Variants in CUX1 observed in about 807,000 individuals in gnomAD.
The protein encoded by CUX1 is protein CASP.
In CUX1, 31 loss-of-function variants were observed where a neutral mutation model predicts 158.8. That is an observed-to-expected ratio of 0.20 (90% CI 0.15 to 0.26). The LOEUF (loss-of-function observed/expected upper bound fraction) is 0.26. CUX1 is among the 10% of genes least tolerant of loss of function. The pLI is 1.00. For missense variants in CUX1, 1,589 were observed against 2,014.6 expected (o/e 0.79, Z 4.04); for synonymous variants, 879 against 862.1 (o/e 1.02, Z -0.34).
At chr7:102,193,633 CG>C (rs1794499458) in intron 12 of CUX1, among the ~76,000 whole-genome samples, 1 of 152,016 alleles carries the variant, frequency 6.6e-6, no homozygotes, top group African/African-American at 2.4e-5. Context: ...GGTGAAACCC[CG>C]TCTCTACTAG....
chr7:101,878,679 G>T (rs1008602306), intron 1 of CUX1, among the ~76,000 whole-genome samples: 9 of 146,206 alleles, frequency 6.2e-5, no homozygotes, highest in South Asian at 4.4e-4. Flanking sequence ...ATCTTTTTTT[G>T]TTTTTTTTTT....
intron 23 of CUX1, among the ~76,000 whole-genome samples, chr7:102,242,727 A>G (rs534481531): frequency 1.6e-4 from 25 of 152,214 alleles, no homozygotes; most frequent in African/African-American, 5.5e-4. Flanking sequence ...AAGTCCCCCA[A>G]CAGGCCTCAG....
At chr7:102,237,024 C>T (rs1799646242) in intron 22 of CUX1, among the ~76,000 whole-genome samples, 1 of 152,170 alleles carries the variant, frequency 6.6e-6, no homozygotes, top group Non-Finnish European at 1.5e-5. Flanking sequence ...TTCTCCAGCC[C>T]CCTGCCAGCC....
intron 21 of CUX1, among the ~76,000 whole-genome samples, chr7:102,230,366 T>A (rs374586857): frequency 8.6e-5 from 13 of 151,558 alleles, no homozygotes; most frequent in African/African-American, 2.9e-4. Context: ...CCCGCTGTAA[T>A]CCCTGCTGCT....
chr7:101,925,261 A>G (rs13241958), intron 2 of CUX1, among the ~76,000 whole-genome samples: 52,064 of 152,016 alleles, frequency 0.34, 10,236 homozygotes, highest in Middle Eastern at 0.48. Context: ...GGCATGTGCC[A>G]CTGTGCCCAG....
chr7:101,947,327 G>A (rs929340946), intron 2 of CUX1, among the ~76,000 whole-genome samples: 19 of 152,300 alleles, frequency 1.2e-4, no homozygotes, highest in African/African-American at 3.8e-4. Flanking sequence ...CCAGGAGCTC[G>A]AGGCTGCAGT....
intron 7 of CUX1, among the ~76,000 whole-genome samples, chr7:102,112,391 A>G (rs1831010988): frequency 7.3e-6 from 1 of 136,234 alleles, no homozygotes; most frequent in Non-Finnish European, 1.6e-5. Flanking sequence ...ACAGGCGCCC[A>G]CCACCATGCC....
chr7:101,897,684 G>A (rs576240857), intron 1 of CUX1, among the ~76,000 whole-genome samples: 26 of 152,236 alleles, frequency 1.7e-4, no homozygotes, highest in African/African-American at 6.3e-4. Context: ...AATGTTAAAT[G>A]AACCCCAGAC....
chr7:102,104,715 C>T (rs1830152539), intron 6 of CUX1, among the ~76,000 whole-genome samples: 2 of 151,932 alleles, frequency 1.3e-5, no homozygotes, highest in Admixed American at 1.3e-4. Context: ...CATGGTGAAA[C>T]CCCGTCTCTA....
chr7:102,058,874 T>C (rs1824454209), intron 3 of CUX1, among the ~76,000 whole-genome samples: 1 of 152,196 alleles, frequency 6.6e-6, no homozygotes, highest in Non-Finnish European at 1.5e-5. Context: ...GCAGTAGGAA[T>C]CTGTGTCTCC....
In CUX1 at chr7:102,097,473, C is replaced by T. The variant is rs1239505608; in HGVS notation, c.378C>T (p.Asn126=). 1 of 1,609,994 alleles carries T rather than the reference C, an allele frequency of 6.2e-7. No individual in the cohort carries two copies. The highest frequency in any genetic ancestry group is 2.2e-5 in the East Asian group (1 of 44,842). ...QKLRETLEEY[N]KEFAEVKNQE... is the part of the protein sequence containing the mutation. The stretch of plus-strand genomic sequence containing the variant: ...TTAGGGAAACTCTGGAAGAATACAA[C>T]AAGGAATTTGCTGAAGTGAAAAATC... Residue 126 remains asparagine (N), a synonymous_variant, in exon 5 of 24, where the codon AAC becomes AAT. Transcript: ENST00000292535.
intron 4 of CUX1, among the ~76,000 whole-genome samples, chr7:102,076,234 C>T (rs1554476618): frequency 6.6e-6 from 1 of 151,942 alleles, no homozygotes; most frequent in Non-Finnish European, 1.5e-5. Context: ...AAATACAAGA[C>T]ATTAGGTGGG....
At chr7:102,054,213 A>G (rs1563181952) in intron 3 of CUX1, among the ~76,000 whole-genome samples, 2 of 152,196 alleles carry the variant, frequency 1.3e-5, no homozygotes, top group African/African-American at 2.4e-5. Flanking sequence ...TTGGCATCAT[A>G]CCTAAGAAAC....
At chr7:102,003,206 ACT>A (rs1161645461) in intron 2 of CUX1, among the ~76,000 whole-genome samples, 8 of 150,604 alleles carry the variant, frequency 5.3e-5, no homozygotes, top group Non-Finnish European at 1.0e-4. Flanking sequence ...GCCCAGAGGG[ACT>A]CTCTAGAGAG....
chr7:101,899,408 C>T (rs542624213), intron 1 of CUX1, among the ~76,000 whole-genome samples: 108 of 152,198 alleles, frequency 7.1e-4, no homozygotes, highest in African/African-American at 2.4e-3. Flanking sequence ...AAAAATTAGC[C>T]AGGTGTGGTG....
chr7:102,067,584 A>G (rs1163794396), intron 3 of CUX1, among the ~76,000 whole-genome samples: 1 of 151,844 alleles, frequency 6.6e-6, no homozygotes, highest in South Asian at 2.1e-4. Context: ...ATAGAAATAA[A>G]GACCTGATAG....
chr7:102,252,846 T>G lies in CUX1; in HGVS notation c.*3804T>G. On this transcript the variant is annotated 3_prime_UTR_variant, in exon 24 of 24. Coordinates refer to ENST00000292535, the MANE Select transcript of CUX1 (RefSeq NM_181552.4). The stretch of plus-strand genomic sequence containing the variant: ...AAAGGGTTATCAGAGCCATGGAGCT[T>G]AGCTCAATTGGATTCTTCTAGACGA... The G allele has an allele frequency of 1.0e-6, 1 of 985,424 alleles. No individual in the cohort carries two copies. The highest frequency in any genetic ancestry group is 1.2e-6 in the Non-Finnish European group (1 of 829,938). 61.0% of individuals were successfully genotyped at this position (985,424 alleles called of 1,614,324 possible).
intron 20 of CUX1, among the ~76,000 whole-genome samples, chr7:102,206,840 A>C (rs1013904434): frequency 6.6e-6 from 1 of 152,196 alleles, no homozygotes; most frequent in African/African-American, 2.4e-5. Context: ...CGGAGGTTGC[A>C]GTGAGCTGAG....
chr7:101,900,437 GTAAACCTCACTCGC>G lies in CUX1; in HGVS notation c.31-15676_31-15663del, dbSNP rs564380232. Among the ~76,000 whole-genome samples, 419 of 152,320 alleles carry G rather than the reference GTAAACCTCACTCGC, an allele frequency of 2.8e-3. 1 individual carries two copies. The highest frequency in any genetic ancestry group is 9.9e-3 in the African/African-American group (410 of 41,564). ...AGCTCTCAGCCAATGGCAGGATGTT[GTAAACCTCACTCGC>G]TGAATGCGGCACCGAAAATCTTGAA... is the stretch of plus-strand genomic sequence containing the variant. On this transcript the variant is annotated intron_variant, in intron 1 of 23. Coordinates refer to ENST00000292535, the MANE Select transcript of CUX1 (RefSeq NM_181552.4).
Sources: allele counts gnomAD v4.1 joint callset (sites outside exome capture counted in the v4.1 genomes callset), GRCh38; gene constraint gnomAD v4.1.1; transcripts MANE v1.5; gene names NCBI Gene and HGNC (gene_info 2026-07-23, HGNC 2026-07-21).